The following DOCK5 variants were observed in gnomAD, a reference collection of about 807,000 sequenced individuals.
The protein encoded by DOCK5 is dedicator of cytokinesis 5, also known as dedicator of cytokinesis protein 5.
DOCK5 carries 142 observed loss-of-function variants against 251.8 expected under a neutral mutation model. The ratio of observed to expected loss-of-function variants is 0.56; its 90% CI spans 0.49 to 0.65. The LOEUF (loss-of-function observed/expected upper bound fraction) is 0.65, where lower values mean the gene tolerates loss of function less well. Among genes scored for constraint, DOCK5 ranks in the 30% least tolerant of loss-of-function variants. The probability of loss-of-function intolerance (pLI) is 0.00; values close to 1 mark genes in which losing one functional copy is unlikely to be tolerated. For synonymous variants in DOCK5, 842 were observed against 835.5 expected, an observed-to-expected ratio of 1.01 and a Z score of -0.13; for missense variants, 2,111 against 2,312.3, an observed-to-expected ratio of 0.91 and a Z score of 1.79.
intron 40 of DOCK5, among the ~76,000 whole-genome samples, chr8:25,386,798 C>G (rs984296497): frequency 6.6e-6 from 1 of 152,032 alleles, no homozygotes; most frequent in Non-Finnish European, 1.5e-5. Flanking sequence ...ACTTTCAAGT[C>G]GAAAGCATTC....
chr8:25,351,791 A>C lies in DOCK5; in HGVS notation c.2815A>C (p.Thr939Pro). 3 of 1,613,928 alleles carry C rather than the reference A, an allele frequency of 1.9e-6. No homozygotes were observed. Among genetic ancestry groups the C allele is most frequent in the Non-Finnish European group, 2.5e-6 (3 of 1,179,856 alleles). The change falls in exon 27 of 52, where the codon ACA (threonine) becomes CCA (proline). Residue 939 changes from threonine to proline, a missense_variant. Transcript: ENST00000276440. ...ACGGCTGCTGAGAAGGATCAACCGG[A>C]CAGTGATTGGGATGAACCGGCAGTC... Reference protein sequence around the residue: ...MERLLRRINRTVIGMNRQSPH... With the variant: ...MERLLRRINRPVIGMNRQSPH...
intron 12 of DOCK5, 107 bp from the exon 13 acceptor site, chr8:25,310,300 T>C: frequency 3.4e-6 from 4 of 1,167,598 alleles, no homozygotes; most frequent in Non-Finnish European, 4.6e-6. Context: ...ATTTACATCT[T>C]TACAGTAAGG....
At chr8:25,315,904 C>G (rs1396270447) in intron 13 of DOCK5, among the ~76,000 whole-genome samples, 1 of 152,118 alleles carries the variant, frequency 6.6e-6, no homozygotes, top group Non-Finnish European at 1.5e-5. Context: ...CTCCTGTTTT[C>G]TTATAGTGTT....
chr8:25,393,644 A>C (rs1039435810), intron 44 of DOCK5, among the ~76,000 whole-genome samples: 1 of 152,120 alleles, frequency 6.6e-6, no homozygotes, highest in Non-Finnish European at 1.5e-5. Flanking sequence ...TCTGCACCTA[A>C]CTAACTCCCA....
At chr8:25,302,069 C>A (rs757925298) in intron 9 of DOCK5, among the ~76,000 whole-genome samples, 28 of 152,158 alleles carry the variant, frequency 1.8e-4, no homozygotes, top group Non-Finnish European at 3.7e-4. Context: ...AGACTTCCAA[C>A]GGGCTGTGAT....
intron 28 of DOCK5, among the ~76,000 whole-genome samples, chr8:25,361,613 C>T (rs553567750): frequency 9.9e-5 from 15 of 151,992 alleles, no homozygotes; most frequent in Non-Finnish European, 1.8e-4. Context: ...GACTCCATCT[C>T]GAAATAAATA....
At chr8:25,319,720 A>T in intron 15 of DOCK5, 44 bp downstream of exon 15, 1 of 1,388,898 alleles carries the variant, frequency 7.2e-7, no homozygotes, top group Non-Finnish European at 9.9e-7. Context: ...GTTAAACCTC[A>T]GTTAGATTCC....
intron 2 of DOCK5, among the ~76,000 whole-genome samples, chr8:25,267,209 T>G (rs922355249): frequency 1.3e-5 from 2 of 152,154 alleles, no homozygotes; most frequent in Non-Finnish European, 2.9e-5. Context: ...CCTGAATCTC[T>G]TACACCTTGG....
intron 1 of DOCK5, among the ~76,000 whole-genome samples, chr8:25,225,239 A>G (rs549915905): frequency 6.6e-6 from 1 of 152,316 alleles, no homozygotes; most frequent in East Asian, 1.9e-4. Flanking sequence ...CAGCAATTCC[A>G]CTTCTAGGTA....
At chr8:25,360,925 G>C (rs1055280770) in intron 28 of DOCK5, among the ~76,000 whole-genome samples, 1 of 152,094 alleles carries the variant, frequency 6.6e-6, no homozygotes, top group African/African-American at 2.4e-5. Context: ...TCCTCCAGCT[G>C]TATTATGTAA....
Position 25,412,078 on chromosome 8 carries a change from C to CTTTTTTTTTTTTTTTTTTTTT in DOCK5, c.*783_*803dup, listed in dbSNP as rs56131241. The CTTTTTTTTTTTTTTTTTTTTT allele has an allele frequency of 1.2e-5, 1 of 82,844 alleles. No individual in the cohort carries two copies. The highest frequency in any genetic ancestry group is 1.8e-4 in the Admixed American group (1 of 5,452). The allele number at this position is 82,844 out of a possible 1,614,324, so 5.1% of individuals were successfully genotyped here. A position where few individuals can be genotyped will look rare whatever the true frequency, so the allele number is the denominator to read the frequency against. The stretch of plus-strand genomic sequence containing the variant: ...GAAGCTCTTCCTTTTGCACATACGG[C>CTTTTTTTTTTTTTTTTTTTTT]TTTTTTTTTTTTTTTTTTTTTTTGT... On this transcript the variant is annotated 3_prime_UTR_variant, in exon 52 of 52. Transcript: ENST00000276440.
At chr8:25,272,477 C>T (rs913392007) in intron 3 of DOCK5, among the ~76,000 whole-genome samples, 3 of 152,142 alleles carry the variant, frequency 2.0e-5, no homozygotes, top group Admixed American at 6.5e-5. Context: ...TTATTAGGAG[C>T]GACTAGTCAC....
rs1220000161 is a variant in DOCK5, at chr8:25,266,380, T to C, written c.128-2465T>C. 2.0e-5 allele frequency among the ~76,000 whole-genome samples: 3 copies of C among 151,306 alleles called. No individual in the cohort carries two copies. The South Asian group carries it at 6.2e-4, about 31-fold the overall frequency. ...ACAGGCACCCGCCACCACGCCCGGC[T>C]AATTTTTTGTATTTTTAGTAGAGAC... On this transcript the variant is annotated intron_variant, in intron 2 of 51. Transcript: ENST00000276440.
At position 25,392,927 on chromosome 8, in the gene DOCK5, C is replaced by A. The variant is rs541303852; in HGVS notation, c.4527+45C>A. The A allele has an allele frequency of 6.4e-5, 94 of 1,479,702 alleles. 1 individual carries two copies. In the South Asian group the frequency reaches 9.5e-4, roughly 15 times the overall value. 91.7% of individuals were successfully genotyped at this position (1,479,702 alleles called of 1,614,324 possible). A position where few individuals can be genotyped will look rare whatever the true frequency, so the allele number is the denominator to read the frequency against. On this transcript the variant is annotated intron_variant, in intron 44 of 51. Coordinates refer to ENST00000276440, the MANE Select transcript of DOCK5 (RefSeq NM_024940.8). Reference sequence around the variant, plus strand: ...CATTTAGAAAAAAACTTTCTGTTTCCAAATATAATAACAGCCTTTGTTGAA... The same window carrying A: ...CATTTAGAAAAAAACTTTCTGTTTCAAAATATAATAACAGCCTTTGTTGAA...
intron 18 of DOCK5, among the ~76,000 whole-genome samples, chr8:25,331,825 G>T (rs1328141062): frequency 1.4e-4 from 21 of 150,040 alleles, no homozygotes; most frequent in East Asian, 5.9e-4. Context: ...GAGAGAGAGA[G>T]AGAGAGAGAG....
At chr8:25,194,129 C>CA (rs34709261) in intron 1 of DOCK5, among the ~76,000 whole-genome samples, 86,718 of 139,072 alleles carry the variant, frequency 0.62, 28,498 homozygotes, top group Non-Finnish European at 0.75. Flanking sequence ...CTAAAAAATA[C>CA]AAAAAAAAAA....
intron 40 of DOCK5, among the ~76,000 whole-genome samples, chr8:25,385,323 G>A (rs1450197526): frequency 6.6e-6 from 1 of 152,212 alleles, no homozygotes; most frequent in Admixed American, 6.5e-5. Context: ...GACCATTGCA[G>A]ATGTTCAGAA....
intron 13 of DOCK5, among the ~76,000 whole-genome samples, chr8:25,315,864 G>T (rs2117191972): frequency 6.6e-6 from 1 of 152,328 alleles, no homozygotes; most frequent in East Asian, 1.9e-4. Flanking sequence ...TTGAGGAAAT[G>T]ATGAAAACGA....
rs150735316 is a variant in DOCK5, at chr8:25,307,095, T to C, written c.1050-1688T>C. 3.5e-3 allele frequency among the ~76,000 whole-genome samples: 532 copies of C among 152,164 alleles called. 4 individuals are homozygous for C. Among genetic ancestry groups the C allele is most frequent in the African/African-American group, 0.012 (483 of 41,524 alleles). ...AAACAGCTATAATATCACTAGGCAA[T>C]AGAAATGTTTCAGCTCCATTAATAA... On this transcript the variant is annotated intron_variant, in intron 11 of 51. Transcript: ENST00000276440.
Sources: allele counts gnomAD v4.1 joint callset (sites outside exome capture counted in the v4.1 genomes callset), GRCh38; gene constraint gnomAD v4.1.1; transcripts MANE v1.5; gene names NCBI Gene and HGNC (gene_info 2026-07-23, HGNC 2026-07-21).